The following GALNTL5 variants were observed in gnomAD, a reference collection of about 807,000 sequenced individuals.
GALNTL5 encodes the protein inactive polypeptide N-acetylgalactosaminyltransferase-like protein 5.
GALNTL5 carries 44 observed loss-of-function variants against 51.0 expected under a neutral mutation model. That is an observed-to-expected ratio of 0.86 (90% CI 0.68 to 1.11). The LOEUF (loss-of-function observed/expected upper bound fraction) is 1.11, where lower values mean the gene tolerates loss of function less well. Ranked by LOEUF, GALNTL5 falls within the 50% of genes least tolerant of loss-of-function variation. The probability of loss-of-function intolerance (pLI) is 0.00; values close to 1 mark genes in which losing one functional copy is unlikely to be tolerated. For synonymous variants in GALNTL5, 192 were observed against 182.8 expected (o/e 1.05, Z -0.41); for missense variants, 528 against 531.8 (o/e 0.99, Z 0.07).
chr7:151,999,146 G>A (rs1357447885), intron 5 of GALNTL5, among the ~76,000 whole-genome samples: 4 of 152,020 alleles, frequency 2.6e-5, no homozygotes, highest in East Asian at 1.9e-4. Context: ...TTTTTGTGTC[G>A]GGCTTCTTTC....
intron 8 of GALNTL5, among the ~76,000 whole-genome samples, chr7:152,018,817 A>T (rs2081852170): frequency 1.3e-5 from 2 of 152,152 alleles, no homozygotes; most frequent in Admixed American, 1.3e-4. Flanking sequence ...CCCCAGGGAG[A>T]ATCCAATATG....
At chr7:151,988,039 C>T (rs193157038) in intron 5 of GALNTL5, among the ~76,000 whole-genome samples, 3 of 152,294 alleles carry the variant, frequency 2.0e-5, no homozygotes, top group East Asian at 1.9e-4. Flanking sequence ...CACTCAAATC[C>T]GTCCCCTGCA....
intron 5 of GALNTL5, among the ~76,000 whole-genome samples, chr7:151,989,040 C>G (rs1483246967): frequency 6.6e-6 from 1 of 152,106 alleles, no homozygotes; most frequent in East Asian, 1.9e-4. Context: ...TCTGTACTGT[C>G]CTGAGACTTA....
chr7:152,009,877 A>G (rs1189818404), intron 7 of GALNTL5, among the ~76,000 whole-genome samples: 1 of 152,194 alleles, frequency 6.6e-6, no homozygotes, highest in Non-Finnish European at 1.5e-5. Flanking sequence ...TACCTGTATC[A>G]CGATAATATC....
chr7:151,990,399 TGAAACCCCTTC>T (rs1032502530), intron 5 of GALNTL5, among the ~76,000 whole-genome samples: 6 of 151,180 alleles, frequency 4.0e-5, no homozygotes, highest in Non-Finnish European at 8.8e-5. Context: ...GCTAACACAG[TGAAACCCCTTC>T]TCTACTAAAA....
chr7:151,977,186 A>G (rs1006048810), intron 3 of GALNTL5, among the ~76,000 whole-genome samples: 1 of 152,218 alleles, frequency 6.6e-6, no homozygotes, highest in Admixed American at 6.5e-5. Context: ...AAATACAAAA[A>G]TAGGACTGAG....
intron 2 of GALNTL5, among the ~76,000 whole-genome samples, chr7:151,968,087 G>T (rs1268449673): frequency 1.3e-5 from 2 of 152,136 alleles, no homozygotes; most frequent in African/African-American, 2.4e-5. Context: ...CTTGAGGCCA[G>T]GAGTTCAAGA....
At chr7:151,997,733 A>G (rs950236439) in intron 5 of GALNTL5, among the ~76,000 whole-genome samples, 2 of 152,224 alleles carry the variant, frequency 1.3e-5, no homozygotes, top group South Asian at 2.1e-4. Flanking sequence ...TGTACACTGT[A>G]TACAGTAAAG....
chr7:151,980,872 A>C (rs1274611710), intron 3 of GALNTL5, among the ~76,000 whole-genome samples: 1 of 143,218 alleles, frequency 7.0e-6, no homozygotes, highest in African/African-American at 2.8e-5. Flanking sequence ...CAGCCTCCCA[A>C]GTAGCTGGGA....
chr7:151,959,812 G>A (rs768852843), intron 1 of GALNTL5, among the ~76,000 whole-genome samples: 5 of 152,168 alleles, frequency 3.3e-5, no homozygotes, highest in Non-Finnish European at 7.3e-5. Context: ...GGCAGGGCAC[G>A]TGTTGCCTTG....
chr7:151,971,215 G>T (rs1217628245), intron 3 of GALNTL5, 150 bp downstream of exon 3: 4 of 604,408 alleles, frequency 6.6e-6, no homozygotes, highest in Non-Finnish European at 8.3e-6. Context: ...AGGACTTGAA[G>T]TCAGATAATG....
At chr7:151,973,311 A>AT (rs1236189513) in intron 3 of GALNTL5, among the ~76,000 whole-genome samples, 4 of 151,930 alleles carry the variant, frequency 2.6e-5, no homozygotes. Flanking sequence ...AAAAAAAAAA[A>AT]AAAATTAGCC....
At chr7:151,968,389 A>G (rs2081086504) in intron 2 of GALNTL5, among the ~76,000 whole-genome samples, 1 of 152,234 alleles carries the variant, frequency 6.6e-6, no homozygotes, top group African/African-American at 2.4e-5. Flanking sequence ...AGTAGAAATT[A>G]AAGCCTTAAC....
intron 8 of GALNTL5, among the ~76,000 whole-genome samples, chr7:152,018,480 T>C (rs1010555618): frequency 1.3e-5 from 2 of 152,226 alleles, no homozygotes; most frequent in Non-Finnish European, 2.9e-5. Context: ...CTGTGAACGC[T>C]GGTCAGGGAT....
Position 151,967,473 on chromosome 7 carries a change from A to T in GALNTL5, c.227A>T (p.Asp76Val), listed in dbSNP as rs1485211130. The part of the protein sequence containing the change: ...PHVIVKRTDE[D>V]KAKSMLGTDF... The stretch of plus-strand genomic sequence containing the variant: ...GTAATAGTCAAAAGGACTGATGAAG[A>T]TAAAGCAAAGTCTATGTTAGGTAAG... The change falls in exon 2 of 9, where the codon GAT becomes GTT. Residue 76 changes from aspartate (D) to valine (V), a missense_variant. Asp to Val is a radical substitution (Grantham distance 152, BLOSUM62 -3). Coordinates refer to ENST00000392800, the MANE Select transcript of GALNTL5 (RefSeq NM_145292.4). 6.2e-7 allele frequency: 1 copy of T among 1,613,744 alleles called. No homozygotes were observed. Among genetic ancestry groups the T allele is most frequent in the Non-Finnish European group, 8.5e-7 (1 of 1,179,770 alleles).
At chr7:151,970,799 A>G (rs1563004072) in intron 2 of GALNTL5, 146 bp from the exon 3 acceptor site, 3 of 573,726 alleles carry the variant, frequency 5.2e-6, no homozygotes, top group Admixed American at 7.1e-5. Context: ...TTTGCCAAGA[A>G]TTATTTGACC....
At chr7:152,014,542 A>G in intron 7 of GALNTL5, 102 bp from the exon 8 acceptor site, 1 of 1,160,466 alleles carries the variant, frequency 8.6e-7, no homozygotes, top group Non-Finnish European at 1.2e-6. Flanking sequence ...TGCTGGGATT[A>G]CAGGCATGAG....
At position 152,016,170 on chromosome 7, in the gene GALNTL5, C is replaced by T. The variant is rs188612243; in HGVS notation, c.1176+1377C>T. 7.6e-4 allele frequency among the ~76,000 whole-genome samples: 115 copies of T among 152,182 alleles called. 2 individuals are homozygous for T. The highest frequency in any genetic ancestry group is 6.5e-3 in the Admixed American group (99 of 15,284). ...TCTCTAATCTAAGCACTTGGGAGGC[C>T]GAGGCAGGCAGATCACCTGAGGTTG... On this transcript the variant is annotated intron_variant, in intron 8 of 8. Coordinates refer to ENST00000392800, the MANE Select transcript of GALNTL5 (RefSeq NM_145292.4).
chr7:151,979,020 G>A (rs2081241967), intron 3 of GALNTL5, among the ~76,000 whole-genome samples: 2 of 151,316 alleles, frequency 1.3e-5, no homozygotes, highest in Non-Finnish European at 2.9e-5. Flanking sequence ...TATTATTAAT[G>A]TATAAGGTCA....
Sources: gnomAD v4.1 joint callset for allele counts (sites outside exome capture counted in the v4.1 genomes callset) on GRCh38, gnomAD v4.1.1 for gene constraint, MANE v1.5 for transcripts, NCBI Gene and HGNC (gene_info 2026-07-23, HGNC 2026-07-21) for gene names.